Variants in RELN observed in about 807,000 individuals in gnomAD.
RELN encodes reelin.
Under a neutral mutation model 427.6 loss-of-function variants are expected in RELN, and 108 were observed. That is an observed-to-expected ratio of 0.25 (90% CI 0.22 to 0.30). The LOEUF (loss-of-function observed/expected upper bound fraction) is 0.30, where lower values mean the gene tolerates loss of function less well. RELN is among the 10% of genes least tolerant of loss of function. The pLI, the probability that RELN is intolerant of heterozygous loss-of-function variation, is 1.00. For synonymous variants in RELN, 1,524 were observed against 1,513.4 expected (o/e 1.01, Z -0.16); for missense variants, 3,715 against 4,302.8 (o/e 0.86, Z 3.82).
chr7:103,767,664 T>C (rs1465738101), intron 4 of RELN, among the ~76,000 whole-genome samples: 1 of 152,246 alleles, frequency 6.6e-6, no homozygotes, highest in Non-Finnish European at 1.5e-5. Context: ...TTCAAGTTTT[T>C]AGTCTATTCT....
rs1427815129 is a variant in RELN, at chr7:103,635,440, C to G, written c.2450G>C (p.Ser817Thr). The change falls in exon 19 of 65, where the codon AGC (serine) becomes ACC (threonine). Residue 817 changes from serine (S) to threonine (T), a missense_variant. Ser to Thr is a moderately conservative substitution (Grantham distance 58). Coordinates refer to ENST00000428762, the MANE Select transcript of RELN (RefSeq NM_005045.4). The stretch of plus-strand genomic sequence containing the variant: ...TCCAACATACCTGGGCTCATGATAG[C>G]TGAGATATGAATAATGCTCCAGGAG... ...WKLLEHYSYL[S>T]YHEPRIISVE... 6.2e-7 allele frequency: 1 copy of G among 1,613,906 alleles called. No individual in the cohort carries two copies. The highest frequency in any genetic ancestry group is 1.1e-5 in the South Asian group (1 of 91,086).
intron 1 of RELN, among the ~76,000 whole-genome samples, chr7:103,974,926 C>A (rs1563119909): frequency 6.6e-6 from 1 of 152,180 alleles, no homozygotes; most frequent in Non-Finnish European, 1.5e-5. Context: ...ATTATAGTTT[C>A]TATTAATAAT....
At chr7:103,761,917 G>C (rs1164319447) in intron 4 of RELN, among the ~76,000 whole-genome samples, 4 of 152,164 alleles carry the variant, frequency 2.6e-5, no homozygotes, top group Non-Finnish European at 4.4e-5. Context: ...GTAACATTTA[G>C]AGGTTGGAAG....
chr7:103,972,609 G>C (rs1584411763), intron 1 of RELN, among the ~76,000 whole-genome samples: 2 of 151,880 alleles, frequency 1.3e-5, no homozygotes, highest in African/African-American at 4.8e-5. Context: ...CTTCTGTTTG[G>C]AATAGAGGGG....
intron 55 of RELN, 58 bp from the exon 56 acceptor site, chr7:103,496,826 AACC>A: frequency 6.3e-7 from 1 of 1,584,654 alleles, no homozygotes; most frequent in Non-Finnish European, 8.6e-7. Flanking sequence ...CCTCCTCATA[AACC>A]ACCAGTATAC....
chr7:103,859,146 A>T (rs1485301912), intron 2 of RELN, among the ~76,000 whole-genome samples: 7 of 152,206 alleles, frequency 4.6e-5, no homozygotes, highest in African/African-American at 1.7e-4. Context: ...TTATCAGATT[A>T]GCTTTAATAA....
intron 2 of RELN, among the ~76,000 whole-genome samples, chr7:103,878,307 C>T (rs1794530981): frequency 1.3e-5 from 2 of 152,194 alleles, no homozygotes; most frequent in African/African-American, 4.8e-5. Flanking sequence ...ATTTGTACAG[C>T]CACTTTACCC....
intron 1 of RELN, among the ~76,000 whole-genome samples, chr7:103,952,550 C>T (rs960512835): frequency 6.9e-6 from 1 of 145,014 alleles, no homozygotes; most frequent in African/African-American, 2.7e-5. Flanking sequence ...CATACTCTCA[C>T]TCTTTCTCTC....
At chr7:103,497,794 G>T (rs926449614) in intron 55 of RELN, 26 bp downstream of exon 55, 2 of 1,586,780 alleles carry the variant, frequency 1.3e-6, no homozygotes, top group African/African-American at 2.7e-5. Context: ...CTGCTCCAAG[G>T]GGTGGTTTTC....
At chr7:103,732,299 A>G (rs1790374277) in intron 6 of RELN, among the ~76,000 whole-genome samples, 1 of 152,134 alleles carries the variant, frequency 6.6e-6, no homozygotes, top group African/African-American at 2.4e-5. Context: ...TAGTTTCTGG[A>G]AAGCTCAAAC....
chr7:103,588,147 C>A (rs2117235841), intron 28 of RELN, among the ~76,000 whole-genome samples: 1 of 152,128 alleles, frequency 6.6e-6, no homozygotes, highest in Non-Finnish European at 1.5e-5. Flanking sequence ...AAATGTTAAT[C>A]AACAGATACA....
At chr7:103,665,751 T>C (rs1447428037) in intron 11 of RELN, among the ~76,000 whole-genome samples, 3 of 152,128 alleles carry the variant, frequency 2.0e-5, no homozygotes, top group Non-Finnish European at 2.9e-5. Flanking sequence ...ATTCAAACCT[T>C]TAATCAGGTC....
chr7:103,560,696 T>C (rs1830623308), intron 36 of RELN, among the ~76,000 whole-genome samples: 1 of 152,214 alleles, frequency 6.6e-6, no homozygotes, highest in African/African-American at 2.4e-5. Context: ...CCTTAATTTC[T>C]TCAGTCCCTC....
chr7:103,490,811 G>A lies in RELN; in HGVS notation c.9462C>T (p.Leu3154=), dbSNP rs1317281414. 6 of 1,614,012 alleles carry A rather than the reference G, an allele frequency of 3.7e-6. No individual in the cohort carries two copies. Among genetic ancestry groups the A allele is most frequent in the East Asian group, 4.5e-5 (2 of 44,892 alleles). The change falls in exon 59 of 65, where the codon CTC becomes CTT. Residue 3154 remains leucine, a synonymous_variant. Transcript: ENST00000428762. ...TKDARSDSWQ[L]VQTQCLPSSS... ...AGGAAGGAAGGCACTGGGTCTGTAC[G>A]AGCTGCCAGGAATCCGATCTGCAGA... is the stretch of plus-strand genomic sequence containing the variant.
intron 41 of RELN, among the ~76,000 whole-genome samples, chr7:103,548,222 T>C (rs1004362491): frequency 6.6e-6 from 1 of 152,236 alleles, no homozygotes; most frequent in African/African-American, 2.4e-5. Context: ...ACTATATATG[T>C]AGAAGGAACA....
At chr7:103,903,614 G>A (rs6951845) in intron 2 of RELN, among the ~76,000 whole-genome samples, 65,080 of 151,864 alleles carry the variant, frequency 0.43, 14,389 homozygotes, top group East Asian at 0.75. Flanking sequence ...GGCAACTTCT[G>A]TCAGAGAATC....
At chr7:103,590,778 T>A (rs1831395865) in intron 27 of RELN, among the ~76,000 whole-genome samples, 1 of 152,164 alleles carries the variant, frequency 6.6e-6, no homozygotes, top group Admixed American at 6.5e-5. Flanking sequence ...CCCACTGGCC[T>A]ATCATAACTG....
At chr7:103,864,653 C>T (rs575434017) in intron 2 of RELN, among the ~76,000 whole-genome samples, 175 of 151,862 alleles carry the variant, frequency 1.2e-3, no homozygotes, top group Non-Finnish European at 2.0e-3. Context: ...AACTTTATAC[C>T]TTAAGGAACT....
intron 2 of RELN, among the ~76,000 whole-genome samples, chr7:103,886,335 T>C (rs1794725807): frequency 6.6e-6 from 1 of 152,172 alleles, no homozygotes; most frequent in Non-Finnish European, 1.5e-5. Context: ...ATTTTTTTCT[T>C]TATGCATCAA....
Sources: allele counts gnomAD v4.1 joint callset (sites outside exome capture counted in the v4.1 genomes callset), GRCh38; gene constraint gnomAD v4.1.1; transcripts MANE v1.5; gene names NCBI Gene and HGNC (gene_info 2026-07-23, HGNC 2026-07-21).